Variants in SNX18 observed in about 807,000 individuals in gnomAD.
The protein encoded by SNX18 is sorting nexin 18, also known as sorting nexin-18.
In SNX18, 35 loss-of-function variants were observed where a neutral mutation model predicts 48.7. The observed-to-expected ratio is 0.72, with a 90% confidence interval of 0.55 to 0.95. The LOEUF is 0.95. SNX18 is among the 40% of genes least tolerant of loss of function. The pLI, the probability that SNX18 is intolerant of heterozygous loss-of-function variation, is 0.00. For missense variants in SNX18, 824 were observed against 871.0 expected, an observed-to-expected ratio of 0.95 and a Z score of 0.68; for synonymous variants, 492 against 384.7, an observed-to-expected ratio of 1.28 and a Z score of -3.26.
chr5:54,529,880 A>G (rs376003089), intron 1 of SNX18, among the ~76,000 whole-genome samples: 2 of 152,184 alleles, frequency 1.3e-5, no homozygotes, highest in African/African-American at 4.8e-5. Context: ...ATTATCAGCT[A>G]TTGTATTAGT....
intron 1 of SNX18, among the ~76,000 whole-genome samples, chr5:54,533,536 G>C (rs1161694592): frequency 6.6e-6 from 1 of 152,174 alleles, no homozygotes; most frequent in African/African-American, 2.4e-5. Context: ...ATCCCCCCTT[G>C]GGCCACATAC....
At chr5:54,636,488 T>C in the SNX18 span, among the ~76,000 whole-genome samples, 1 of 152,156 alleles carries the variant, frequency 6.6e-6, no homozygotes, top group African/African-American at 2.4e-5. Context: ...TCTTCTGTTC[T>C]CTTTTAATAG....
chr5:54,604,757 T>G, the SNX18 span, among the ~76,000 whole-genome samples: 1 of 152,152 alleles, frequency 6.6e-6, no homozygotes, highest in Non-Finnish European at 1.5e-5. Flanking sequence ...AAAAAATGGT[T>G]AAAATGGCAA....
At chr5:54,557,853 CTG>C in the SNX18 span, among the ~76,000 whole-genome samples, 1 of 152,172 alleles carries the variant, frequency 6.6e-6, no homozygotes, top group Non-Finnish European at 1.5e-5. Flanking sequence ...TGAGTGCCAA[CTG>C]TGTTGGACGC....
the SNX18 span, among the ~76,000 whole-genome samples, chr5:54,624,940 G>T: frequency 6.6e-6 from 1 of 152,110 alleles, no homozygotes; most frequent in African/African-American, 2.4e-5. Flanking sequence ...AAGCCAGGTC[G>T]GTACAAATCT....
At chr5:54,640,421 G>C in the SNX18 span, among the ~76,000 whole-genome samples, 1 of 151,656 alleles carries the variant, frequency 6.6e-6, no homozygotes, top group East Asian at 1.9e-4. Context: ...ATGGGGTTTT[G>C]CCATGTTGCC....
At chr5:54,589,992 T>C in the SNX18 span, among the ~76,000 whole-genome samples, 12 of 152,214 alleles carry the variant, frequency 7.9e-5, no homozygotes, top group African/African-American at 2.9e-4. Flanking sequence ...GCATTTACTA[T>C]GTTGCTCAGG....
the SNX18 span, among the ~76,000 whole-genome samples, chr5:54,607,013 G>A: frequency 1.3e-5 from 2 of 152,034 alleles, no homozygotes; most frequent in Admixed American, 1.3e-4. Flanking sequence ...TAACAAATAT[G>A]TCCTCCAGTT....
chr5:54,639,264 T>A, the SNX18 span, among the ~76,000 whole-genome samples: 3 of 152,100 alleles, frequency 2.0e-5, no homozygotes, highest in Non-Finnish European at 4.4e-5. Context: ...AAAATTCCAG[T>A]TTTTTTGAAG....
chr5:54,577,010 A>C, the SNX18 span, among the ~76,000 whole-genome samples: 14 of 152,128 alleles, frequency 9.2e-5, no homozygotes, highest in African/African-American at 2.9e-4. Context: ...CATGTTGGCC[A>C]GGCTGGTCTC....
At chr5:54,626,566 T>A in the SNX18 span, among the ~76,000 whole-genome samples, 2 of 152,228 alleles carry the variant, frequency 1.3e-5, no homozygotes. Flanking sequence ...CTGGATGAAC[T>A]TTGGTTTGGA....
At chr5:54,613,362 A>G in the SNX18 span, among the ~76,000 whole-genome samples, 2 of 152,144 alleles carry the variant, frequency 1.3e-5, no homozygotes, top group Non-Finnish European at 2.9e-5. Flanking sequence ...CATCCCATGA[A>G]GGAAGGCAGA....
chr5:54,531,423 CTTTTATTGTGT>C (rs1037284425), intron 1 of SNX18, among the ~76,000 whole-genome samples: 3 of 152,042 alleles, frequency 2.0e-5, no homozygotes, highest in African/African-American at 7.3e-5. Context: ...AATCCTTTTT[CTTTTATTGTGT>C]TTTTATTGTG....
the SNX18 span, among the ~76,000 whole-genome samples, chr5:54,573,576 A>G: frequency 6.6e-6 from 1 of 152,202 alleles, no homozygotes; most frequent in South Asian, 2.1e-4. Flanking sequence ...GATTTGAGAA[A>G]TCAGAATACA....
the SNX18 span, among the ~76,000 whole-genome samples, chr5:54,589,143 C>G: frequency 6.6e-6 from 1 of 152,162 alleles, no homozygotes; most frequent in East Asian, 1.9e-4. Context: ...ACATTGACAC[C>G]CCCAACCCCC....
chr5:54,609,696 G>A, the SNX18 span, among the ~76,000 whole-genome samples: 1 of 152,124 alleles, frequency 6.6e-6, no homozygotes, highest in African/African-American at 2.4e-5. Flanking sequence ...AAATTGAAAA[G>A]AAAGAAGTAT....
the SNX18 span, among the ~76,000 whole-genome samples, chr5:54,634,092 G>A: frequency 2.0e-5 from 3 of 152,282 alleles, no homozygotes; most frequent in Middle Eastern, 6.8e-3. Flanking sequence ...ATATCTTAAG[G>A]AGTTTGTTGG....
the SNX18 span, among the ~76,000 whole-genome samples, chr5:54,647,179 T>C: frequency 6.6e-6 from 1 of 152,248 alleles, no homozygotes; most frequent in African/African-American, 2.4e-5. Flanking sequence ...ATCATTTACA[T>C]CTGTATTTAT....
At chr5:54,619,269 G>C in the SNX18 span, among the ~76,000 whole-genome samples, 2,849 of 152,250 alleles carry the variant, frequency 0.019, 50 homozygotes, top group East Asian at 0.087. Flanking sequence ...CCAGCACTTT[G>C]GGAAGCTGAG....
Sources: gnomAD v4.1 joint callset for allele counts (sites outside exome capture counted in the v4.1 genomes callset) on GRCh38, gnomAD v4.1.1 for gene constraint, MANE v1.5 for transcripts, NCBI Gene and HGNC (gene_info 2026-07-23, HGNC 2026-07-21) for gene names.